Variants in SORCS1 observed in about 807,000 individuals in gnomAD.
SORCS1 encodes sortilin related VPS10 domain containing receptor 1.
A neutral mutation model predicts 146.1 loss-of-function variants in SORCS1; 60 were observed. The observed-to-expected ratio is 0.41, with a 90% CI of 0.33 to 0.51. The LOEUF is 0.51. Ranked by LOEUF, SORCS1 falls within the 20% of genes least tolerant of loss-of-function variation. The pLI is 0.21. For missense variants in SORCS1, 1,352 were observed against 1,487.6 expected (o/e 0.91, Z 1.50); for synonymous variants, 637 against 584.0 (o/e 1.09, Z -1.31).
At chr10:107,118,277 C>T (rs1406459715) in intron 1 of SORCS1, among the ~76,000 whole-genome samples, 1 of 152,188 alleles carries the variant, frequency 6.6e-6, no homozygotes, top group Non-Finnish European at 1.5e-5. Flanking sequence ...CTGCCTTGAT[C>T]TTGGACTTCC....
intron 2 of SORCS1, among the ~76,000 whole-genome samples, chr10:106,914,870 C>A (rs1261460033): frequency 3.3e-5 from 5 of 152,170 alleles, no homozygotes; most frequent in Non-Finnish European, 5.9e-5. Flanking sequence ...CTCCCTTCAA[C>A]ACATGCTCAA....
At chr10:106,899,591 C>CTTT (rs35476429) in intron 2 of SORCS1, among the ~76,000 whole-genome samples, 97 of 97,520 alleles carry the variant, frequency 9.9e-4, no homozygotes, top group Middle Eastern at 7.6e-3. Flanking sequence ...GCCACCAGGG[C>CTTT]TTTTTTTTTT....
In SORCS1 at chr10:107,148,696, A is replaced by G. The variant is rs113763609; in HGVS notation, c.558+15273T>C. Among the ~76,000 whole-genome samples, 11 of 152,322 alleles carry G rather than the reference A, an allele frequency of 7.2e-5. 1 individual carries two copies. The highest frequency in any genetic ancestry group is 1.4e-4 in the African/African-American group (6 of 41,578). On this transcript the variant is annotated intron_variant, in intron 1 of 25. Transcript: ENST00000263054. ...GAGTAAGAGGTACTAGGGTACTTAT[A>G]AAGTTGGTGAGCTTTTAAGGCAAAT...
At chr10:106,964,470 ATATTTTATTTTATTT>A (rs60186199) in intron 1 of SORCS1, among the ~76,000 whole-genome samples, 5 of 149,970 alleles carry the variant, frequency 3.3e-5, no homozygotes, top group African/African-American at 1.2e-4. Flanking sequence ...TGCCTGGCTA[ATATTTTATTTTATTT>A]TATTTTATTT....
At chr10:106,996,912 T>C (rs1272602585) in intron 1 of SORCS1, among the ~76,000 whole-genome samples, 3 of 152,170 alleles carry the variant, frequency 2.0e-5, no homozygotes, top group Middle Eastern at 3.2e-3. Flanking sequence ...AAAGGAAATA[T>C]GTCTAAAATC....
intron 1 of SORCS1, among the ~76,000 whole-genome samples, chr10:107,150,156 A>T (rs1968660078): frequency 6.6e-6 from 1 of 152,204 alleles, no homozygotes; most frequent in Non-Finnish European, 1.5e-5. Flanking sequence ...TAAAGATCAG[A>T]TCTTATTCAT....
intron 2 of SORCS1, among the ~76,000 whole-genome samples, chr10:106,834,081 C>T (rs183024864): frequency 6.6e-6 from 1 of 152,146 alleles, no homozygotes; most frequent in Non-Finnish European, 1.5e-5. Context: ...GCATGAGCCA[C>T]CACGCCCGGT....
chr10:106,622,636 G>T (rs891759356), intron 19 of SORCS1, among the ~76,000 whole-genome samples: 1 of 152,230 alleles, frequency 6.6e-6, no homozygotes, highest in African/African-American at 2.4e-5. Context: ...TTATAAGCCA[G>T]AGCAGTTCAA....
intron 1 of SORCS1, among the ~76,000 whole-genome samples, chr10:107,158,960 A>G (rs372740093): frequency 1.1e-4 from 17 of 151,644 alleles, no homozygotes; most frequent in African/African-American, 3.6e-4. Flanking sequence ...AGAAAATCTC[A>G]TTAAATAACT....
chr10:107,180,476 C>G, the SORCS1 span, among the ~76,000 whole-genome samples: 3 of 151,940 alleles, frequency 2.0e-5, no homozygotes, highest in African/African-American at 7.3e-5. Context: ...AGGCTCTGAC[C>G]TTTGTTTTAT....
In SORCS1 at chr10:106,876,345, C is replaced by T. The variant is rs181266561; in HGVS notation, c.627-46672G>A. ...AATCAGCAGAAGCTCATCCATCACT[C>T]TGCATCCCTTGCATCTACCAGGTTA... is the stretch of plus-strand genomic sequence containing the variant. On this transcript the variant is annotated intron_variant, in intron 2 of 25. Coordinates refer to ENST00000263054, the MANE Select transcript of SORCS1 (RefSeq NM_052918.5). 1.4e-4 allele frequency among the ~76,000 whole-genome samples: 21 copies of T among 152,310 alleles called. No homozygotes were observed. The East Asian group carries it at 4.0e-3, about 29-fold the overall frequency.
rs1230167859 is a variant in SORCS1, at chr10:106,688,329, T to A, written c.1423A>T (p.Ile475Leu). 1 of 1,613,012 alleles carries A rather than the reference T, an allele frequency of 6.2e-7. No homozygotes were observed. Among genetic ancestry groups the A allele is most frequent in the Non-Finnish European group, 8.5e-7 (1 of 1,179,628 alleles). The change falls in exon 10 of 26, where the codon ATA becomes TTA. Residue 475 changes from isoleucine to leucine, a missense_variant. Ile to Leu is a conservative substitution (Grantham distance 5, BLOSUM62 2). Around this residue, in one of 3 missense-constraint regions of SORCS1, gnomAD observed 648 missense variants for 793.8 expected, o/e 0.82. Transcript: ENST00000263054. ...TTGTTAGCCAAGAACATTCCCTTTA[T>A]CCCTGCTACCTGGGAAAAATTGACA... ...IMIDLYEVAGIKGMFLANKKI... is the reference protein window; with the variant it reads ...IMIDLYEVAGLKGMFLANKKI...
intron 6 of SORCS1, among the ~76,000 whole-genome samples, chr10:106,719,453 G>A (rs568085216): frequency 5.4e-5 from 8 of 147,522 alleles, no homozygotes; most frequent in African/African-American, 2.0e-4. Context: ...TCGCTCTGTC[G>A]CCAGGCTGGA....
chr10:106,982,206 G>A (rs1029669533), intron 1 of SORCS1, among the ~76,000 whole-genome samples: 2 of 152,164 alleles, frequency 1.3e-5, no homozygotes, highest in Non-Finnish European at 2.9e-5. Context: ...TTTAGTCAAA[G>A]AAAATATAAT....
At chr10:107,176,208 C>T in the SORCS1 span, among the ~76,000 whole-genome samples, 2,126 of 149,666 alleles carry the variant, frequency 0.014, 48 homozygotes, top group African/African-American at 0.048. Context: ...TATATGTAAT[C>T]CTTCCTTCCT....
At chr10:106,785,236 G>A (rs147002316) in intron 3 of SORCS1, among the ~76,000 whole-genome samples, 136 of 152,262 alleles carry the variant, frequency 8.9e-4, no homozygotes, top group African/African-American at 3.2e-3. Context: ...AACCAAAGAT[G>A]AACTCAGATT....
At chr10:107,155,837 T>C (rs1175024614) in intron 1 of SORCS1, among the ~76,000 whole-genome samples, 1 of 152,132 alleles carries the variant, frequency 6.6e-6, no homozygotes, top group East Asian at 1.9e-4. Context: ...CATGATTAGT[T>C]GGTTGTCTGA....
At chr10:106,879,576 CAGG>C (rs1169957714) in intron 2 of SORCS1, among the ~76,000 whole-genome samples, 1 of 152,160 alleles carries the variant, frequency 6.6e-6, no homozygotes, top group Non-Finnish European at 1.5e-5. Context: ...TCCTTAAAAT[CAGG>C]AGATTATCCT....
At chr10:107,070,935 C>T (rs993240621) in intron 1 of SORCS1, among the ~76,000 whole-genome samples, 2 of 152,024 alleles carry the variant, frequency 1.3e-5, no homozygotes, top group African/African-American at 4.8e-5. Context: ...AAAAAATAGT[C>T]CCATAAACGA....
Sources: gnomAD v4.1 joint callset for allele counts (sites outside exome capture counted in the v4.1 genomes callset) on GRCh38, gnomAD v4.1.1 for gene constraint, gnomAD v4.1.1 regional missense constraint, MANE v1.5 for transcripts, NCBI Gene and HGNC (gene_info 2026-07-23, HGNC 2026-07-21) for gene names.